The following MMAA variants were observed in gnomAD, a reference collection of about 807,000 sequenced individuals.
MMAA encodes metabolism of cobalamin associated A, also known as methylmalonic aciduria type A protein, mitochondrial.
In MMAA, 41 loss-of-function variants were observed where a neutral mutation model predicts 45.0. The ratio of observed to expected loss-of-function variants is 0.91; its 90% CI spans 0.71 to 1.18. MMAA has a LOEUF of 1.18. Ranked by LOEUF, MMAA falls within the 50% of genes most tolerant of loss-of-function variation. MMAA has a pLI of 0.00. For synonymous variants in MMAA, 154 were observed against 178.2 expected (o/e 0.86, Z 1.08); for missense variants, 460 against 495.7 (o/e 0.93, Z 0.68).
chr4:145,638,840 C>T (rs1202911260), intron 1 of MMAA, among the ~76,000 whole-genome samples: 1 of 152,172 alleles, frequency 6.6e-6, no homozygotes, highest in African/African-American at 2.4e-5. Context: ...GTAAATTCCA[C>T]TTCGCAGTAG....
intron 1 of MMAA, among the ~76,000 whole-genome samples, chr4:145,623,438 C>CCG (rs1734129666): frequency 6.6e-6 from 1 of 152,124 alleles, no homozygotes; most frequent in Non-Finnish European, 1.5e-5. Context: ...TGAAATAATA[C>CCG]CGAGCCCTTC....
chr4:145,635,548 C>T (rs1274018303), intron 1 of MMAA, among the ~76,000 whole-genome samples: 1 of 152,166 alleles, frequency 6.6e-6, no homozygotes, highest in East Asian at 1.9e-4. Flanking sequence ...ATTGGTGAAG[C>T]CTTGTATTCT....
rs1728281272 is a variant in MMAA at position 145,658,049 on chromosome 4, A to G, written c.*2615A>G. ...ATTTAAAAGTGTGTGGCATCTCCCC[A>G]TCCCTCACTCTATCACTTGCTCCTA... On this transcript the variant is annotated 3_prime_UTR_variant, in exon 7 of 7. Coordinates refer to ENST00000649156, the MANE Select transcript of MMAA (RefSeq NM_172250.3). The G allele has an allele frequency of 6.9e-6, 1 of 145,932 alleles. No individual in the cohort carries two copies. Among genetic ancestry groups the G allele is most frequent in the Non-Finnish European group, 1.5e-5 (1 of 66,568 alleles). 9.0% of individuals were successfully genotyped at this position (145,932 alleles called of 1,614,324 possible).
At chr4:145,651,527 C>T (rs1219924115) in intron 5 of MMAA, among the ~76,000 whole-genome samples, 3 of 152,162 alleles carry the variant, frequency 2.0e-5, no homozygotes, top group Non-Finnish European at 2.9e-5. Flanking sequence ...TCTTACTCTC[C>T]TCTGCACCGC....
intron 1 of MMAA, 41 bp from the exon 2 acceptor site, chr4:145,639,034 G>A: frequency 9.9e-7 from 1 of 1,011,494 alleles, no homozygotes; most frequent in Non-Finnish European, 1.6e-6. Flanking sequence ...CAGTATTTTA[G>A]TTATATATCG....
chr4:145,640,972 TCA>T (rs1173312130), intron 2 of MMAA, among the ~76,000 whole-genome samples: 1 of 152,182 alleles, frequency 6.6e-6, no homozygotes. Context: ...CACCTTTGTC[TCA>T]CAGTTTATTG....
In MMAA at chr4:145,639,263, C is replaced by G. The variant is rs758345818; in HGVS notation, c.124C>G (p.Gln42Glu). The G allele has an allele frequency of 2.5e-6, 4 of 1,614,168 alleles. No individual in the cohort carries two copies. The South Asian group carries it at 4.4e-5, about 18-fold the overall frequency. The change falls in exon 2 of 7, where the codon CAG becomes GAG. Residue 42 changes from glutamine to glutamate, a missense_variant. Coordinates refer to ENST00000649156, the MANE Select transcript of MMAA (RefSeq NM_172250.3). ...THLGSGIPCA[Q>E]PFNSLGLHCT... ...TCTCGGATCAGGAATCCCATGTGCTCAGCCGTTTAATTCTCTTGGACTCCA... is the reference window on the plus strand; with the variant it reads ...TCTCGGATCAGGAATCCCATGTGCTGAGCCGTTTAATTCTCTTGGACTCCA...
intron 1 of MMAA, among the ~76,000 whole-genome samples, chr4:145,628,209 A>G (rs1578870622): frequency 6.6e-6 from 1 of 152,360 alleles, no homozygotes; most frequent in East Asian, 1.9e-4. Context: ...TCTGAATTTT[A>G]TCTTTTAAAA....
intron 1 of MMAA, among the ~76,000 whole-genome samples, chr4:145,628,477 G>C (rs556284244): frequency 6.6e-6 from 1 of 152,116 alleles, no homozygotes; most frequent in Admixed American, 6.5e-5. Context: ...TTGGTTCATG[G>C]CCCTTTTACT....
intron 2 of MMAA, 118 bp downstream of exon 2, chr4:145,639,696 G>A (rs1727729789): frequency 2.1e-6 from 3 of 1,444,508 alleles, no homozygotes; most frequent in East Asian, 5.0e-5. Context: ...ACAATATTTG[G>A]ATGAATTTTA....
chr4:145,651,263 A>G, intron 5 of MMAA, 116 bp downstream of exon 5: 1 of 896,790 alleles, frequency 1.1e-6, no homozygotes, highest in East Asian at 2.6e-5. Context: ...ATGAAATATC[A>G]TTCATGTTGG....
At chr4:145,652,674 G>A (rs1728127997) in intron 5 of MMAA, among the ~76,000 whole-genome samples, 1 of 151,840 alleles carries the variant, frequency 6.6e-6, no homozygotes, top group South Asian at 2.1e-4. Flanking sequence ...AGTTTGCAGT[G>A]AGCCAAGATC....
At chr4:145,638,225 C>T (rs781511893) in intron 1 of MMAA, among the ~76,000 whole-genome samples, 1 of 152,068 alleles carries the variant, frequency 6.6e-6, no homozygotes, top group African/African-American at 2.4e-5. Flanking sequence ...AAAAATTAGC[C>T]GGGCGTGGTT....
Position 145,658,047 on chromosome 4 carries a change from C to G in MMAA, c.*2613C>G, listed in dbSNP as rs1162873844. The G allele has an allele frequency of 6.8e-6, 1 of 146,252 alleles. No homozygotes were observed. Among genetic ancestry groups the G allele is most frequent in the Non-Finnish European group, 1.5e-5 (1 of 66,660 alleles). The allele number at this position is 146,252 out of a possible 1,614,324, so 9.1% of individuals were successfully genotyped here. On this transcript the variant is annotated 3_prime_UTR_variant, in exon 7 of 7. Transcript: ENST00000649156. ...TCATTTAAAAGTGTGTGGCATCTCC[C>G]CATCCCTCACTCTATCACTTGCTCC... is the stretch of plus-strand genomic sequence containing the variant.
chr4:145,646,426 G>C (rs1218530845), intron 4 of MMAA: 1 of 416,764 alleles, frequency 2.4e-6, no homozygotes, highest in Non-Finnish European at 4.4e-6. Context: ...GTAAACATTA[G>C]GATGATCTGT....
chr4:145,625,806 A>G (rs772967231), intron 1 of MMAA: 147 of 1,155,556 alleles, frequency 1.3e-4, no homozygotes, highest in Non-Finnish European at 1.8e-4. Flanking sequence ...AAGCTGATAG[A>G]TGAGGTCCAC....
intron 1 of MMAA, chr4:145,625,126 C>G: frequency 8.6e-7 from 1 of 1,158,786 alleles, no homozygotes; most frequent in Non-Finnish European, 1.3e-6. Context: ...ATAGGTTCAT[C>G]TCATCTCGAT....
At chr4:145,642,293 A>T in intron 2 of MMAA, 70 bp from the exon 3 acceptor site, 1 of 1,530,834 alleles carries the variant, frequency 6.5e-7, no homozygotes, top group Non-Finnish European at 9.0e-7. Flanking sequence ...CTAATATTTT[A>T]CTCAGTAAAA....
chr4:145,623,842 G>A (rs1168677245), intron 1 of MMAA, among the ~76,000 whole-genome samples: 5 of 152,062 alleles, frequency 3.3e-5, no homozygotes, highest in Admixed American at 1.3e-4. Flanking sequence ...TTTTAGTAAC[G>A]ACCTGATCTA....
Sources: gnomAD v4.1 joint callset for allele counts (sites outside exome capture counted in the v4.1 genomes callset) on GRCh38, gnomAD v4.1.1 for gene constraint, MANE v1.5 for transcripts, NCBI Gene and HGNC (gene_info 2026-07-23, HGNC 2026-07-21) for gene names.